NAA60: variants seen among roughly 807,000 people sequenced by gnomAD.
The protein encoded by NAA60 is N-alpha-acetyltransferase 60, NatF catalytic subunit.
A neutral mutation model predicts 26.1 loss-of-function variants in NAA60; 8 were observed. The observed-to-expected ratio is 0.31, with a 90% CI of 0.18 to 0.55. NAA60 has a LOEUF of 0.55. Ranked by LOEUF, NAA60 falls within the 20% of genes least tolerant of loss-of-function variation. NAA60 has a pLI of 0.93. For missense variants in NAA60, 290 were observed against 311.3 expected, an observed-to-expected ratio of 0.93 and a Z score of 0.51; for synonymous variants, 131 against 122.5, an observed-to-expected ratio of 1.07 and a Z score of -0.46.
At chr16:3,482,418 G>T (rs1215006754) in intron 4 of NAA60, 84 bp from the exon 5 acceptor site, 5 of 1,139,782 alleles carry the variant, frequency 4.4e-6, no homozygotes, top group Admixed American at 4.0e-5. Flanking sequence ...TGGGAAGTCG[G>T]TGCGGAGCCC....
intron 3 of NAA60, among the ~76,000 whole-genome samples, chr16:3,477,765 A>G (rs1332545452): frequency 1.4e-5 from 2 of 144,074 alleles, no homozygotes; most frequent in Non-Finnish European, 3.0e-5. Context: ...CCTCATCTCT[A>G]TTAAAAATAC....
chr16:3,446,480 G>A (rs1174635825), intron 1 of NAA60, among the ~76,000 whole-genome samples: 22 of 144,908 alleles, frequency 1.5e-4, no homozygotes, highest in African/African-American at 5.6e-4. Flanking sequence ...GCAGTGAGCC[G>A]AGATCACACC....
At chr16:3,467,320 C>G (rs1053701920) in intron 2 of NAA60, among the ~76,000 whole-genome samples, 3 of 151,950 alleles carry the variant, frequency 2.0e-5, no homozygotes, top group African/African-American at 7.3e-5. Context: ...CAGGGAGGAG[C>G]TGTGGGCGGG....
intron 2 of NAA60, among the ~76,000 whole-genome samples, chr16:3,459,810 A>G (rs2035259268): frequency 6.6e-6 from 1 of 152,168 alleles, no homozygotes; most frequent in Non-Finnish European, 1.5e-5. Context: ...TGTAACTTGA[A>G]GTGACTTTGT....
At chr16:3,458,969 C>T (rs986304495) in intron 2 of NAA60, among the ~76,000 whole-genome samples, 1 of 152,174 alleles carries the variant, frequency 6.6e-6, no homozygotes, top group African/African-American at 2.4e-5. Context: ...GACCCAGGGT[C>T]TGGACATCAG....
At chr16:3,445,100 G>T (rs2034495155) in intron 1 of NAA60, among the ~76,000 whole-genome samples, 1 of 152,152 alleles carries the variant, frequency 6.6e-6, no homozygotes, top group Admixed American at 6.5e-5. Context: ...GGTGCTTCCA[G>T]GACAGGTGGA....
intron 4 of NAA60, among the ~76,000 whole-genome samples, chr16:3,479,870 A>C (rs576985635): frequency 6.6e-6 from 1 of 152,228 alleles, no homozygotes; most frequent in Non-Finnish European, 1.5e-5. Flanking sequence ...CAGATGATGC[A>C]TTGAGAATCT....
chr16:3,452,172 C>T (rs141004095), intron 2 of NAA60, among the ~76,000 whole-genome samples: 65 of 152,104 alleles, frequency 4.3e-4, no homozygotes, highest in African/African-American at 1.3e-3. Flanking sequence ...GTGATCACGC[C>T]ACTTTACTCC....
chr16:3,459,751 A>G (rs1198918055), intron 2 of NAA60, among the ~76,000 whole-genome samples: 2 of 146,890 alleles, frequency 1.4e-5, no homozygotes, highest in East Asian at 4.3e-4. Context: ...AAACACACAG[A>G]CAGCTTTTTA....
At chr16:3,476,563 G>A (rs1236772161) in intron 3 of NAA60, among the ~76,000 whole-genome samples, 1 of 152,184 alleles carries the variant, frequency 6.6e-6, no homozygotes, top group African/African-American at 2.4e-5. Context: ...GGCTCTGTGA[G>A]AAATTTCAGT....
chr16:3,452,406 G>A (rs2034819834), intron 2 of NAA60, among the ~76,000 whole-genome samples: 1 of 152,026 alleles, frequency 6.6e-6, no homozygotes, highest in Non-Finnish European at 1.5e-5. Context: ...TGTAATCCTA[G>A]CACTTTGGGA....
At chr16:3,468,691 C>T (rs1008159821) in intron 2 of NAA60, among the ~76,000 whole-genome samples, 2 of 152,224 alleles carry the variant, frequency 1.3e-5, no homozygotes, top group South Asian at 2.1e-4. Context: ...CTCCGGAAGG[C>T]GGAGAACTGC....
chr16:3,465,279 A>G (rs37766), intron 2 of NAA60, among the ~76,000 whole-genome samples: 31,950 of 150,598 alleles, frequency 0.21, 3,560 homozygotes, highest in South Asian at 0.27. Flanking sequence ...AAAAAAAAAA[A>G]AAAAGAAAAG....
At chr16:3,464,136 C>T (rs1314888984) in intron 2 of NAA60, among the ~76,000 whole-genome samples, 3 of 152,088 alleles carry the variant, frequency 2.0e-5, no homozygotes, top group South Asian at 4.1e-4. Context: ...TGGGTTCAAA[C>T]GATTCTCCTG....
chr16:3,484,274 C>G (rs1307256421), intron 6 of NAA60, among the ~76,000 whole-genome samples: 1 of 152,214 alleles, frequency 6.6e-6, no homozygotes, highest in Non-Finnish European at 1.5e-5. Flanking sequence ...CACAGGCCGT[C>G]TAGCTTATGT....
At chr16:3,463,493 A>G (rs1334839272) in intron 2 of NAA60, among the ~76,000 whole-genome samples, 1 of 149,418 alleles carries the variant, frequency 6.7e-6, no homozygotes, top group Non-Finnish European at 1.5e-5. Context: ...TGGAGGTTGC[A>G]GTGAGCCAAG....
At chr16:3,458,928 C>G (rs2035192055) in intron 2 of NAA60, among the ~76,000 whole-genome samples, 1 of 152,158 alleles carries the variant, frequency 6.6e-6, no homozygotes, top group South Asian at 2.1e-4. Flanking sequence ...TGGACGACCA[C>G]CCACAAATCT....
intron 1 of NAA60, among the ~76,000 whole-genome samples, chr16:3,447,319 G>T (rs1438738694): frequency 6.6e-6 from 1 of 152,172 alleles, no homozygotes; most frequent in Non-Finnish European, 1.5e-5. Flanking sequence ...TAATTTTTAT[G>T]GGTACATAGT....
chr16:3,484,873 C>A lies in NAA60; in HGVS notation c.*18C>A. ...CCATGTGATGTCGGCTGGGCAGCCG[C>A]CACCAGGCCCCACCCTTCGGCCGCC... is the stretch of plus-strand genomic sequence containing the variant. On this transcript the variant is annotated 3_prime_UTR_variant, in exon 7 of 8. Coordinates refer to ENST00000407558, the MANE Select transcript of NAA60 (RefSeq NM_001083601.3). The A allele has an allele frequency of 6.4e-7, 1 of 1,552,326 alleles. No homozygotes were observed. Among genetic ancestry groups the A allele is most frequent in the Non-Finnish European group, 8.7e-7 (1 of 1,148,298 alleles).
Sources: gnomAD v4.1 joint callset for allele counts (sites outside exome capture counted in the v4.1 genomes callset) on GRCh38, gnomAD v4.1.1 for gene constraint, MANE v1.5 for transcripts, NCBI Gene and HGNC (gene_info 2026-07-23, HGNC 2026-07-21) for gene names.